The following WWOX variants were observed in gnomAD, a reference collection of about 807,000 sequenced individuals.
The protein encoded by WWOX is WW domain containing oxidoreductase.
A neutral mutation model predicts 46.2 loss-of-function variants in WWOX; 69 were observed. That is an observed-to-expected ratio of 1.49 (90% CI 1.23 to 1.82). WWOX has a LOEUF of 1.82. Ranked by LOEUF, WWOX falls within the 40% of genes most tolerant of loss-of-function variation. The pLI, the probability that WWOX is intolerant of heterozygous loss-of-function variation, is 0.00. For synonymous variants in WWOX, 359 were observed against 202.6 expected, an observed-to-expected ratio of 1.77 and a Z score of -6.56; for missense variants, 919 against 542.6, an observed-to-expected ratio of 1.69 and a Z score of -6.89.
chr16:79,148,291 A>T (rs2050216371), intron 8 of WWOX, among the ~76,000 whole-genome samples: 1 of 152,184 alleles, frequency 6.6e-6, no homozygotes, highest in Non-Finnish European at 1.5e-5. Context: ...AATTTTGCCT[A>T]GGAACATCTC....
At chr16:78,105,968 A>C (rs1175564089) in intron 1 of WWOX, among the ~76,000 whole-genome samples, 1 of 151,776 alleles carries the variant, frequency 6.6e-6, no homozygotes, top group Non-Finnish European at 1.5e-5. Flanking sequence ...TGTCTGTCTA[A>C]TTTTTGTATT....
At chr16:78,436,255 A>C (rs866155886) in intron 8 of WWOX, among the ~76,000 whole-genome samples, 4 of 152,176 alleles carry the variant, frequency 2.6e-5, no homozygotes, top group African/African-American at 7.2e-5. Context: ...AGGGAAGAGA[A>C]GGGCTTTGTC....
intron 8 of WWOX, among the ~76,000 whole-genome samples, chr16:78,569,261 T>G (rs148562740): frequency 6.6e-6 from 1 of 152,222 alleles, no homozygotes; most frequent in East Asian, 1.9e-4. Flanking sequence ...TATATTGTTA[T>G]TAAAACAAGT....
At chr16:79,086,221 A>G (rs924448350) in intron 8 of WWOX, among the ~76,000 whole-genome samples, 1 of 152,158 alleles carries the variant, frequency 6.6e-6, no homozygotes, top group African/African-American at 2.4e-5. Flanking sequence ...TGCTCAATAA[A>G]TGTTAATTGA....
At chr16:79,026,839 C>G (rs896937752) in intron 8 of WWOX, among the ~76,000 whole-genome samples, 7 of 149,234 alleles carry the variant, frequency 4.7e-5, no homozygotes, top group Non-Finnish European at 1.0e-4. Context: ...CCATGTTAGC[C>G]AGGATGGTCT....
At chr16:78,948,962 C>T (rs1438406048) in intron 8 of WWOX, among the ~76,000 whole-genome samples, 2 of 152,094 alleles carry the variant, frequency 1.3e-5, no homozygotes, top group African/African-American at 4.8e-5. Context: ...GGAAGGATTT[C>T]ACGTACTGCC....
At chr16:78,881,432 A>G (rs2044341397) in intron 8 of WWOX, among the ~76,000 whole-genome samples, 1 of 152,248 alleles carries the variant, frequency 6.6e-6, no homozygotes, top group South Asian at 2.1e-4. Context: ...TCTCCAAAAT[A>G]TATTTTCAAG....
intron 8 of WWOX, among the ~76,000 whole-genome samples, chr16:79,089,075 T>A (rs1056025630): frequency 6.6e-6 from 1 of 152,188 alleles, no homozygotes; most frequent in Non-Finnish European, 1.5e-5. Flanking sequence ...TGTATGCAGT[T>A]AATACAGTTC....
chr16:78,112,324 A>G (rs1420227210), intron 3 of WWOX, among the ~76,000 whole-genome samples: 2 of 152,122 alleles, frequency 1.3e-5, no homozygotes, highest in African/African-American at 2.4e-5. Context: ...CCACATTTTC[A>G]TAGATACCAC....
chr16:78,983,141 C>T (rs1208731784), intron 8 of WWOX, among the ~76,000 whole-genome samples: 1 of 152,210 alleles, frequency 6.6e-6, no homozygotes, highest in East Asian at 1.9e-4. Context: ...TTTTTCCCAC[C>T]AAGGCATCAA....
chr16:78,583,707 G>T (rs2045120305), intron 8 of WWOX, among the ~76,000 whole-genome samples: 1 of 152,204 alleles, frequency 6.6e-6, no homozygotes, highest in Non-Finnish European at 1.5e-5. Context: ...AGGAACCCGT[G>T]CCCTGATGTG....
At chr16:78,232,377 G>A (rs2037297628) in intron 5 of WWOX, among the ~76,000 whole-genome samples, 1 of 152,256 alleles carries the variant, frequency 6.6e-6, no homozygotes, top group East Asian at 1.9e-4. Flanking sequence ...AATTAACTCA[G>A]TTTTTCACTC....
chr16:79,096,749 T>C (rs2049082707), intron 8 of WWOX, among the ~76,000 whole-genome samples: 1 of 152,194 alleles, frequency 6.6e-6, no homozygotes, highest in Admixed American at 6.5e-5. Context: ...TTCACCTGTT[T>C]TGTTTATGCC....
At chr16:79,058,138 A>C (rs2048298594) in intron 8 of WWOX, among the ~76,000 whole-genome samples, 1 of 149,076 alleles carries the variant, frequency 6.7e-6, no homozygotes, top group African/African-American at 2.5e-5. Flanking sequence ...ACAAAAAAAA[A>C]AAACTCCTTC....
At chr16:79,141,529 C>G (rs1249298505) in intron 8 of WWOX, among the ~76,000 whole-genome samples, 3 of 152,242 alleles carry the variant, frequency 2.0e-5, no homozygotes, top group Non-Finnish European at 4.4e-5. Context: ...TTTCAAGTCT[C>G]ATTTTAATCG....
chr16:79,177,526 G>C (rs1049242449), intron 8 of WWOX, among the ~76,000 whole-genome samples: 1 of 152,054 alleles, frequency 6.6e-6, no homozygotes, highest in Non-Finnish European at 1.5e-5. Flanking sequence ...TCTCCTTCCA[G>C]CTTTCAATAA....
chr16:79,049,607 G>T (rs941162093), intron 8 of WWOX, among the ~76,000 whole-genome samples: 5 of 152,134 alleles, frequency 3.3e-5, no homozygotes, highest in Non-Finnish European at 1.5e-5. Flanking sequence ...GGAGGCCGAG[G>T]TGGGTGGATC....
intron 8 of WWOX, among the ~76,000 whole-genome samples, chr16:78,646,752 C>T (rs1388545866): frequency 6.6e-6 from 1 of 152,148 alleles, no homozygotes; most frequent in African/African-American, 2.4e-5. Flanking sequence ...TTTCAGTTTA[C>T]TTGGTTTTGC....
chr16:79,112,349 C>T (rs529656455), intron 8 of WWOX, among the ~76,000 whole-genome samples: 1 of 152,234 alleles, frequency 6.6e-6, no homozygotes, highest in South Asian at 2.1e-4. Flanking sequence ...TTTTGAGGCT[C>T]ATGACAGACC....
Sources: gnomAD v4.1 joint callset for allele counts (sites outside exome capture counted in the v4.1 genomes callset) on GRCh38, gnomAD v4.1.1 for gene constraint, MANE v1.5 for transcripts, NCBI Gene and HGNC (gene_info 2026-07-23, HGNC 2026-07-21) for gene names.